Variants in EXOC4 observed in about 807,000 individuals in gnomAD.
EXOC4 encodes the protein exocyst complex component 4, also known as SEC8-like 1.
A neutral mutation model predicts 107.2 loss-of-function variants in EXOC4; 71 were observed. The ratio of observed to expected loss-of-function variants is 0.66; its 90% confidence interval spans 0.55 to 0.81. EXOC4 has a LOEUF of 0.81. Ranked by LOEUF, EXOC4 falls within the 30% of genes least tolerant of loss-of-function variation. The pLI is 0.00. For synonymous variants in EXOC4, 456 were observed against 441.2 expected, an observed-to-expected ratio of 1.03 and a Z score of -0.42; for missense variants, 1,108 against 1,189.6, an observed-to-expected ratio of 0.93 and a Z score of 1.01.
chr7:133,309,898 C>G (rs1210659538), intron 4 of EXOC4, among the ~76,000 whole-genome samples: 4 of 152,122 alleles, frequency 2.6e-5, no homozygotes, highest in African/African-American at 9.7e-5. Flanking sequence ...CGAGATCACA[C>G]CACTGCATTC....
intron 5 of EXOC4, among the ~76,000 whole-genome samples, chr7:133,345,235 A>G (rs1795757518): frequency 6.6e-6 from 1 of 152,216 alleles, no homozygotes; most frequent in South Asian, 2.1e-4. Context: ...TCATGAATGA[A>G]GAAATCAAGG....
intron 12 of EXOC4, among the ~76,000 whole-genome samples, chr7:133,902,762 G>A (rs535842046): frequency 1.3e-5 from 2 of 152,220 alleles, no homozygotes; most frequent in South Asian, 4.1e-4. Context: ...GGCTGAGGCA[G>A]GAGAATCGCT....
intron 11 of EXOC4, among the ~76,000 whole-genome samples, chr7:133,859,137 T>C (rs1040407012): frequency 2.0e-5 from 3 of 152,154 alleles, no homozygotes; most frequent in Non-Finnish European, 4.4e-5. Context: ...TCTTCATTTT[T>C]CCAAGCAGCC....
At chr7:133,951,766 G>C (rs1369272672) in intron 14 of EXOC4, among the ~76,000 whole-genome samples, 1 of 152,188 alleles carries the variant, frequency 6.6e-6, no homozygotes, top group Non-Finnish European at 1.5e-5. Context: ...TATTTATTCA[G>C]GGCCACAATG....
intron 9 of EXOC4, among the ~76,000 whole-genome samples, chr7:133,629,241 AGT>A (rs1194634271): frequency 2.0e-5 from 3 of 152,138 alleles, no homozygotes; most frequent in Non-Finnish European, 4.4e-5. Context: ...ATAAAATAAT[AGT>A]GTGTCTTATA....
At chr7:133,397,817 C>G (rs1797004421) in intron 7 of EXOC4, among the ~76,000 whole-genome samples, 1 of 152,034 alleles carries the variant, frequency 6.6e-6, no homozygotes, top group East Asian at 1.9e-4. Context: ...AAGCATTTAC[C>G]ACATACCACT....
chr7:133,878,665 C>T (rs1798899837), intron 11 of EXOC4, among the ~76,000 whole-genome samples: 4 of 152,066 alleles, frequency 2.6e-5, no homozygotes. Flanking sequence ...ATAACATTGA[C>T]CCTATGTGGA....
rs552669662 is a variant in EXOC4, at chr7:133,775,317, G to A, written c.1515-42008G>A. Reference sequence around the variant, plus strand: ...GTTAGGCTTTGTCTCAGTTAGACGAGTGTACATGGATCATTTGTAGCTTGT... The same window carrying A: ...GTTAGGCTTTGTCTCAGTTAGACGAATGTACATGGATCATTTGTAGCTTGT... On this transcript the variant is annotated intron_variant, in intron 10 of 17. Coordinates refer to ENST00000253861, the MANE Select transcript of EXOC4 (RefSeq NM_021807.4). 3.9e-5 allele frequency among the ~76,000 whole-genome samples: 6 copies of A among 152,304 alleles called. No individual in the cohort carries two copies. In the South Asian group the frequency reaches 1.2e-3, roughly 32 times the overall value.
chr7:133,814,675 T>C (rs1025052161), intron 10 of EXOC4, among the ~76,000 whole-genome samples: 10 of 152,228 alleles, frequency 6.6e-5, no homozygotes, highest in Admixed American at 6.5e-5. Context: ...TTCACACTTA[T>C]AGCAACAGAG....
At chr7:133,258,109 C>G (rs1236006676) in intron 1 of EXOC4, among the ~76,000 whole-genome samples, 2 of 152,330 alleles carry the variant, frequency 1.3e-5, no homozygotes, top group South Asian at 2.1e-4. Context: ...CCTGGGACAT[C>G]TTGGCCCTAC....
intron 3 of EXOC4, among the ~76,000 whole-genome samples, chr7:133,296,511 C>T (rs531975325): frequency 1.3e-5 from 2 of 152,104 alleles, no homozygotes; most frequent in African/African-American, 4.8e-5. Flanking sequence ...TTTTTTATAT[C>T]TACAATTAAG....
intron 17 of EXOC4, among the ~76,000 whole-genome samples, chr7:134,038,156 G>A (rs1795434830): frequency 6.6e-6 from 1 of 152,200 alleles, no homozygotes; most frequent in Admixed American, 6.5e-5. Flanking sequence ...GATTGTATAA[G>A]GATTAGCATA....
intron 7 of EXOC4, among the ~76,000 whole-genome samples, chr7:133,416,952 T>C (rs1797490133): frequency 6.6e-6 from 1 of 152,112 alleles, no homozygotes; most frequent in Non-Finnish European, 1.5e-5. Context: ...GGAGCATCTT[T>C]GGATGAGTGA....
intron 12 of EXOC4, among the ~76,000 whole-genome samples, chr7:133,899,352 A>AT (rs1031228785): frequency 1.3e-5 from 2 of 152,108 alleles, no homozygotes; most frequent in Non-Finnish European, 2.9e-5. Flanking sequence ...ATCATGGGTG[A>AT]TTTTTTTTCC....
rs370258334 is a variant in EXOC4, at chr7:133,348,048, G to A, written c.764-8282G>A. Among the ~76,000 whole-genome samples the A allele has an allele frequency of 8.5e-5, 13 of 152,202 alleles. No individual in the cohort carries two copies. The East Asian group carries it at 1.4e-3, about 16-fold the overall frequency. ...TTGGAGTTCAGTAGTTTGGAAATACGTATATTTTGTTATAATTCTGATGTG... is the reference window on the plus strand; with the variant it reads ...TTGGAGTTCAGTAGTTTGGAAATACATATATTTTGTTATAATTCTGATGTG... On this transcript the variant is annotated intron_variant, in intron 5 of 17. Coordinates refer to ENST00000253861, the MANE Select transcript of EXOC4 (RefSeq NM_021807.4).
chr7:133,277,714 G>A (rs1024775817), intron 2 of EXOC4, among the ~76,000 whole-genome samples: 1 of 152,158 alleles, frequency 6.6e-6, no homozygotes, highest in African/African-American at 2.4e-5. Flanking sequence ...GAGAAATAAA[G>A]GGTCAGAGCT....
chr7:133,677,547 T>G (rs1435005821), intron 10 of EXOC4, among the ~76,000 whole-genome samples: 1 of 152,244 alleles, frequency 6.6e-6, no homozygotes, highest in Non-Finnish European at 1.5e-5. Flanking sequence ...TCTTAAAGTT[T>G]GTTTTGCTCC....
At chr7:133,369,269 A>G (rs1212238191) in intron 6 of EXOC4, among the ~76,000 whole-genome samples, 1 of 152,196 alleles carries the variant, frequency 6.6e-6, no homozygotes, top group African/African-American at 2.4e-5. Context: ...GCTGCATCAG[A>G]GGAGCGTCGT....
chr7:133,814,361 G>A (rs570806495), intron 10 of EXOC4, among the ~76,000 whole-genome samples: 10 of 152,056 alleles, frequency 6.6e-5, no homozygotes, highest in Non-Finnish European at 1.5e-4. Context: ...CACATTTGGG[G>A]GTAGAGGGAG....
Sources: gnomAD v4.1 joint callset for allele counts (sites outside exome capture counted in the v4.1 genomes callset) on GRCh38, gnomAD v4.1.1 for gene constraint, MANE v1.5 for transcripts, NCBI Gene and HGNC (gene_info 2026-07-23, HGNC 2026-07-21) for gene names.